FRMD4A: variants seen among roughly 807,000 people sequenced by gnomAD.
FRMD4A encodes the protein FERM domain-containing protein 4A.
In FRMD4A, 29 loss-of-function variants were observed where a neutral mutation model predicts 129.1. The observed-to-expected ratio is 0.22, with a 90% CI of 0.17 to 0.31. The LOEUF is 0.31. FRMD4A is among the 10% of genes least tolerant of loss of function. The probability of loss-of-function intolerance (pLI) is 1.00; values close to 1 mark genes in which losing one functional copy is unlikely to be tolerated. For synonymous variants in FRMD4A, 634 were observed against 571.6 expected (o/e 1.11, Z -1.56); for missense variants, 1,272 against 1,375.8 (o/e 0.92, Z 1.19).
chr10:13,674,958 G>A lies in FRMD4A; in HGVS notation c.1204C>T (p.Leu402=). The A allele has an allele frequency of 6.2e-7, 1 of 1,614,136 alleles. No individual in the cohort carries two copies. ...TTCAGTTCCTCCAGCCTCTGACGCAGGGTTTCCTCCAGAGCTTCCTGCCTG... is the reference window on the plus strand; with the variant it reads ...TTCAGTTCCTCCAGCCTCTGACGCAAGGTTTCCTCCAGAGCTTCCTGCCTG... ...KSRQEALEET[L]RQRLEELKKL... is the part of the protein sequence containing the mutation. The change falls in exon 16 of 25, where the codon CTG becomes TTG. Residue 402 remains leucine (L), a synonymous_variant. Coordinates refer to ENST00000357447, the MANE Select transcript of FRMD4A (RefSeq NM_018027.5).
At chr10:13,925,119 T>C (rs1257155027) in intron 2 of FRMD4A, among the ~76,000 whole-genome samples, 1 of 151,350 alleles carries the variant, frequency 6.6e-6, no homozygotes, top group East Asian at 1.9e-4. Context: ...GAGCATTTCT[T>C]CATTAATACA....
chr10:13,902,456 GGAGAGAGA>G (rs140040052), intron 2 of FRMD4A, among the ~76,000 whole-genome samples: 1 of 127,698 alleles, frequency 7.8e-6, no homozygotes, highest in Non-Finnish European at 1.6e-5. Flanking sequence ...GCAAAATACT[GGAGAGAGA>G]GAGAGAGAGA....
intron 2 of FRMD4A, among the ~76,000 whole-genome samples, chr10:14,303,897 T>A (rs539123012): frequency 1.4e-4 from 21 of 152,350 alleles, no homozygotes; most frequent in African/African-American, 4.8e-4. Flanking sequence ...TTTGTCCTTT[T>A]GTGTCTGGCT....
intron 16 of FRMD4A, among the ~76,000 whole-genome samples, chr10:13,671,997 C>G (rs1289430748): frequency 6.6e-6 from 1 of 152,240 alleles, no homozygotes. Context: ...GCCCAGCAGG[C>G]GGGAAAATCC....
At chr10:14,056,875 A>T (rs1327484604) in intron 2 of FRMD4A, among the ~76,000 whole-genome samples, 1 of 152,206 alleles carries the variant, frequency 6.6e-6, no homozygotes, top group Non-Finnish European at 1.5e-5. Context: ...AAATAAATAA[A>T]TAAAAGGTAT....
At chr10:14,309,535 G>A (rs1846467580) in intron 2 of FRMD4A, among the ~76,000 whole-genome samples, 1 of 152,098 alleles carries the variant, frequency 6.6e-6, no homozygotes, top group African/African-American at 2.4e-5. Context: ...AACTTCAGAG[G>A]TTAAGGCTCT....
chr10:14,243,575 T>C (rs930999702), intron 2 of FRMD4A, among the ~76,000 whole-genome samples: 12 of 152,142 alleles, frequency 7.9e-5, no homozygotes, highest in African/African-American at 2.7e-4. Flanking sequence ...TGTGAGTCCA[T>C]GTATATGAGG....
At chr10:14,197,304 GAATAAT>G (rs1842500448) in intron 2 of FRMD4A, among the ~76,000 whole-genome samples, 1 of 152,174 alleles carries the variant, frequency 6.6e-6, no homozygotes, top group South Asian at 2.1e-4. Flanking sequence ...GAGACAATAT[GAATAAT>G]AATATTGGCG....
chr10:14,036,697 C>T (rs1219866480), intron 2 of FRMD4A, among the ~76,000 whole-genome samples: 1 of 152,180 alleles, frequency 6.6e-6, no homozygotes, highest in African/African-American at 2.4e-5. Context: ...ATTCACCTCC[C>T]TCAGCCTCCC....
chr10:14,206,821 A>AAAAAAAAAAAAAAAAAAT (rs1842797450), intron 2 of FRMD4A, among the ~76,000 whole-genome samples: 1 of 88,360 alleles, frequency 1.1e-5, no homozygotes, highest in East Asian at 4.8e-4. Flanking sequence ...AAAAAAAAAA[A>AAAAAAAAAAAAAAAAAAT]GAGAGACAGA....
At chr10:13,830,354 C>T (rs2093770700) in intron 3 of FRMD4A, among the ~76,000 whole-genome samples, 1 of 152,110 alleles carries the variant, frequency 6.6e-6, no homozygotes, top group African/African-American at 2.4e-5. Context: ...CAGAAGGAGT[C>T]AAGGAATTGG....
chr10:14,325,038 T>C (rs562310149), intron 2 of FRMD4A, among the ~76,000 whole-genome samples: 1 of 152,306 alleles, frequency 6.6e-6, no homozygotes, highest in Non-Finnish European at 1.5e-5. Flanking sequence ...AACTTCACCA[T>C]ATAATAGGAA....
chr10:13,982,484 G>A (rs1004930398), intron 2 of FRMD4A, among the ~76,000 whole-genome samples: 5 of 143,880 alleles, frequency 3.5e-5, no homozygotes, highest in South Asian at 2.4e-4. Flanking sequence ...GGGAGGGGAG[G>A]GGAGGGGAGG....
chr10:13,981,024 T>C, intron 2 of FRMD4A, among the ~76,000 whole-genome samples: 1 of 152,344 alleles, frequency 6.6e-6, no homozygotes, highest in East Asian at 1.9e-4. Flanking sequence ...TTGCCTAGAC[T>C]ACTGCTGAAG....
intron 2 of FRMD4A, among the ~76,000 whole-genome samples, chr10:14,284,527 C>T (rs868519914): frequency 1.3e-5 from 2 of 152,120 alleles, no homozygotes; most frequent in South Asian, 2.1e-4. Context: ...GTGGCACACA[C>T]CTGTAGTCTC....
intron 2 of FRMD4A, among the ~76,000 whole-genome samples, chr10:14,090,812 C>T (rs1438381402): frequency 6.6e-6 from 1 of 152,068 alleles, no homozygotes; most frequent in Non-Finnish European, 1.5e-5. Context: ...AATGAAGTAC[C>T]CAGACTAACA....
chr10:13,725,426 C>T (rs2089818398), intron 12 of FRMD4A, among the ~76,000 whole-genome samples: 1 of 152,228 alleles, frequency 6.6e-6, no homozygotes, highest in African/African-American at 2.4e-5. Flanking sequence ...GAGATTTAGA[C>T]CTGCCCCTCT....
chr10:14,034,247 G>A (rs1588834198), intron 2 of FRMD4A, among the ~76,000 whole-genome samples: 2 of 152,134 alleles, frequency 1.3e-5, no homozygotes. Flanking sequence ...CTGCTCCCTA[G>A]GCTGTGGAGG....
intron 3 of FRMD4A, among the ~76,000 whole-genome samples, chr10:13,829,186 T>C (rs1481717217): frequency 6.6e-6 from 1 of 152,100 alleles, no homozygotes; most frequent in African/African-American, 2.4e-5. Flanking sequence ...TGAGGTGGAA[T>C]AGGATTTTAG....
Sources: allele counts gnomAD v4.1 joint callset (sites outside exome capture counted in the v4.1 genomes callset), GRCh38; gene constraint gnomAD v4.1.1; transcripts MANE v1.5; gene names NCBI Gene and HGNC (gene_info 2026-07-23, HGNC 2026-07-21).